The following CRYZL1 variants were observed in gnomAD, a reference collection of about 807,000 sequenced individuals.
The protein encoded by CRYZL1 is ferry endosomal RAB5 effector complex subunit 4.
In CRYZL1, 34 loss-of-function variants were observed where a neutral mutation model predicts 50.6. The ratio of observed to expected loss-of-function variants is 0.67; its 90% CI spans 0.51 to 0.89. The LOEUF (loss-of-function observed/expected upper bound fraction) is 0.89, where lower values mean the gene tolerates loss of function less well. Among genes scored for constraint, CRYZL1 ranks in the 40% least tolerant of loss-of-function variants. The probability of loss-of-function intolerance (pLI) is 0.00; values close to 1 mark genes in which losing one functional copy is unlikely to be tolerated. For missense variants in CRYZL1, 354 were observed against 402.3 expected, an observed-to-expected ratio of 0.88 and a Z score of 1.03; for synonymous variants, 125 against 134.3, an observed-to-expected ratio of 0.93 and a Z score of 0.48.
Position 33,602,307 on chromosome 21 carries a change from T to C in CRYZL1, c.504A>G (p.Arg168=), listed in dbSNP as rs1459520393. 6.2e-7 allele frequency: 1 copy of C among 1,612,350 alleles called. No homozygotes were observed. The highest frequency in any genetic ancestry group is 1.7e-5 in the Admixed American group (1 of 60,004). The change falls in exon 8 of 13, where the codon AGA becomes AGG. Residue 168 remains arginine (R), a synonymous_variant. Transcript: ENST00000381554. ...ATGCTGTTGAAATCACTTTGGCTCC[T>C]CTATGATGTGCTAACTGAATAGCTA... The part of the protein sequence containing the change: ...GTIAIQLAHH[R]GAKVISTACS...
At chr21:33,623,296 T>A (rs1238268472) in intron 3 of CRYZL1, among the ~76,000 whole-genome samples, 3 of 152,108 alleles carry the variant, frequency 2.0e-5, no homozygotes, top group Non-Finnish European at 4.4e-5. Flanking sequence ...TTGTATGGAG[T>A]TAAAACTATG....
chr21:33,595,204 ATGAC>A, intron 11 of CRYZL1: 1 of 1,122,734 alleles, frequency 8.9e-7, no homozygotes. Flanking sequence ...TTATCTCTGA[ATGAC>A]TTTTGTTTCA....
At chr21:33,605,527 A>ATTTTTTTTTTTTTTTTT (rs1555904645) in intron 6 of CRYZL1, among the ~76,000 whole-genome samples, 1 of 14,838 alleles carries the variant, frequency 6.7e-5, no homozygotes, top group Non-Finnish European at 1.1e-4. Context: ...CAGTACAAGA[A>ATTTTTTTTTTTTTTTTT]TTCTTTTTTT....
chr21:33,631,809 T>C (rs2087140841), intron 1 of CRYZL1, among the ~76,000 whole-genome samples: 1 of 152,216 alleles, frequency 6.6e-6, no homozygotes, highest in Non-Finnish European at 1.5e-5. Flanking sequence ...TTCATTTTAC[T>C]TTCCTATACA....
rs545718336 is a variant in CRYZL1 at position 33,616,053 on chromosome 21, G to A, written c.262+653C>T. Reference sequence around the variant, plus strand: ...CCACTAACTCGTCATCTAGCATTAGGTATATCTCCCAATGCTATCCCTCCC... The same window carrying A: ...CCACTAACTCGTCATCTAGCATTAGATATATCTCCCAATGCTATCCCTCCC... On this transcript the variant is annotated intron_variant, in intron 5 of 12. Coordinates refer to ENST00000381554, the MANE Select transcript of CRYZL1 (RefSeq NM_145858.3). 1.2e-4 allele frequency among the ~76,000 whole-genome samples: 18 copies of A among 152,096 alleles called. No homozygotes were observed. The East Asian group carries it at 1.7e-3, about 15-fold the overall frequency.
intron 1 of CRYZL1, among the ~76,000 whole-genome samples, chr21:33,632,319 C>T (rs1412022716): frequency 7.2e-5 from 11 of 151,866 alleles, no homozygotes; most frequent in East Asian, 1.9e-4. Context: ...GGAACAAGAG[C>T]GAAACTCTGT....
chr21:33,602,730 A>C (rs1047914622), intron 7 of CRYZL1, among the ~76,000 whole-genome samples: 3 of 152,164 alleles, frequency 2.0e-5, no homozygotes, highest in Non-Finnish European at 2.9e-5. Flanking sequence ...GAAGATCAAA[A>C]CACTTCAAAA....
rs1174676783 is a variant in CRYZL1, at chr21:33,599,282, T to C, written c.578-34A>G. 3 of 1,613,534 alleles carry C rather than the reference T, an allele frequency of 1.9e-6. No individual in the cohort carries two copies. In the Admixed American group the frequency reaches 5.0e-5, roughly 27 times the overall value. On this transcript the variant is annotated intron_variant, in intron 8 of 12. Coordinates refer to ENST00000381554, the MANE Select transcript of CRYZL1 (RefSeq NM_145858.3). ...GACAGGAAATCAGGCAATTGTACTG[T>C]TCTCTATGTGATCAACACAAACAAA...
At chr21:33,600,155 G>A (rs2086736285) in intron 8 of CRYZL1, among the ~76,000 whole-genome samples, 1 of 152,006 alleles carries the variant, frequency 6.6e-6, no homozygotes, top group Non-Finnish European at 1.5e-5. Context: ...GTATAATATG[G>A]TAATTATCTA....
intron 3 of CRYZL1, 132 bp downstream of exon 3, chr21:33,624,551 A>G: frequency 1.4e-6 from 2 of 1,418,194 alleles, no homozygotes; most frequent in African/African-American, 1.5e-5. Context: ...CTCCGTCTCA[A>G]ATAAAAAAAT....
chr21:33,590,474 GGT>G (rs1364009229), intron 12 of CRYZL1, among the ~76,000 whole-genome samples: 1 of 151,388 alleles, frequency 6.6e-6, no homozygotes, highest in Non-Finnish European at 1.5e-5. Context: ...GGAGTGCAAT[GGT>G]GTGATCTCGG....
chr21:33,641,158 C>CT, intron 1 of CRYZL1: 1 of 1,550,132 alleles, frequency 6.5e-7, no homozygotes. Flanking sequence ...CGACCCAGAC[C>CT]TATCCCAAGG....
chr21:33,612,903 C>T (rs1956344848), intron 6 of CRYZL1, among the ~76,000 whole-genome samples: 1 of 152,044 alleles, frequency 6.6e-6, no homozygotes, highest in Non-Finnish European at 1.5e-5. Context: ...GGTGCAATCT[C>T]AGCTCCATCT....
intron 1 of CRYZL1, among the ~76,000 whole-genome samples, chr21:33,639,429 G>A (rs1348353630): frequency 6.6e-6 from 1 of 152,160 alleles, no homozygotes; most frequent in Non-Finnish European, 1.5e-5. Context: ...ACAAGGGAGC[G>A]AACGGTGTGA....
At chr21:33,598,095 C>G (rs1460211793) in intron 9 of CRYZL1, among the ~76,000 whole-genome samples, 7 of 152,118 alleles carry the variant, frequency 4.6e-5, no homozygotes, top group Non-Finnish European at 8.8e-5. Context: ...AAAAGTCTAT[C>G]TTCATTTGAA....
chr21:33,623,650 TC>T (rs1206334850), intron 3 of CRYZL1, among the ~76,000 whole-genome samples: 6 of 152,190 alleles, frequency 3.9e-5, no homozygotes, highest in African/African-American at 1.4e-4. Flanking sequence ...GTCTGTAATT[TC>T]CTAAGTGTGA....
chr21:33,636,716 A>G (rs931400293), intron 1 of CRYZL1, among the ~76,000 whole-genome samples: 1 of 152,268 alleles, frequency 6.6e-6, no homozygotes, highest in Non-Finnish European at 1.5e-5. Context: ...TAAAAAATCA[A>G]TGGGAAGTAG....
At chr21:33,626,039 T>C (rs1450401448) in intron 2 of CRYZL1, among the ~76,000 whole-genome samples, 2 of 151,220 alleles carry the variant, frequency 1.3e-5, no homozygotes, top group Non-Finnish European at 3.0e-5. Flanking sequence ...CTGCAACCTC[T>C]GCCTCCCGAG....
At chr21:33,623,469 T>C (rs995957570) in intron 3 of CRYZL1, among the ~76,000 whole-genome samples, 2 of 152,226 alleles carry the variant, frequency 1.3e-5, no homozygotes, top group South Asian at 4.1e-4. Flanking sequence ...GATTATTTCT[T>C]AGACTTGGAT....
Sources: gnomAD v4.1 joint callset for allele counts (sites outside exome capture counted in the v4.1 genomes callset) on GRCh38, gnomAD v4.1.1 for gene constraint, MANE v1.5 for transcripts, NCBI Gene and HGNC (gene_info 2026-07-23, HGNC 2026-07-21) for gene names.